Variants in NOG observed in about 807,000 individuals in gnomAD.
NOG encodes symphalangism 1 (proximal).
A neutral mutation model predicts 17.9 loss-of-function variants in NOG; 2 were observed. The ratio of observed to expected loss-of-function variants is 0.11; its 90% CI spans 0.05 to 0.35. NOG has a LOEUF of 0.35. Among genes scored for constraint, NOG ranks in the 10% least tolerant of loss-of-function variants. The pLI is 1.00. For missense variants in NOG, 266 were observed against 318.6 expected (o/e 0.83, Z 1.26); for synonymous variants, 166 against 148.7 (o/e 1.12, Z -0.85).
rs1033424445 is a variant in NOG at position 56,594,079 on chromosome 17, C to A, written c.-145C>A. The A allele has an allele frequency of 1.8e-6, 1 of 565,662 alleles. No individual in the cohort carries two copies. The highest frequency in any genetic ancestry group is 4.7e-4 in the Middle Eastern group (1 of 2,106). The allele number at this position is 565,662 out of a possible 1,614,324, so 35.0% of individuals were successfully genotyped here. On this transcript the variant is annotated 5_prime_UTR_variant, in exon 1 of 1. Transcript: ENST00000332822. The stretch of plus-strand genomic sequence containing the variant: ...GGCGCTGCGCGAAGGGCTCTCCCGG[C>A]GGCTCATGCTGCCGGCCCTGCGCCT...
At position 56,593,859 on chromosome 17, in the gene NOG, G is replaced by C. The variant is rs1235215563; in HGVS notation, c.-365G>C. ...GCGGCCGGACGAAGAGCAGCGAGAGGAGGAGGGGAGAGCGGCTCGTCCACG... is the reference window on the plus strand; with the variant it reads ...GCGGCCGGACGAAGAGCAGCGAGAGCAGGAGGGGAGAGCGGCTCGTCCACG... On this transcript the variant is annotated 5_prime_UTR_variant, in exon 1 of 1. Transcript: ENST00000332822. The C allele has an allele frequency of 3.9e-6, 1 of 257,804 alleles. No individual in the cohort carries two copies. Among genetic ancestry groups the C allele is most frequent in the Non-Finnish European group, 7.3e-6 (1 of 137,478 alleles). The allele number at this position is 257,804 out of a possible 1,614,324, so 16.0% of individuals were successfully genotyped here. A position where few individuals can be genotyped will look rare whatever the true frequency, so the allele number is the denominator to read the frequency against.
At position 56,594,703 on chromosome 17, in the gene NOG, G is replaced by T. The variant is rs1357240545; in HGVS notation, c.480G>T (p.Ala160=). ...AGACATTCTGCCCCGTGCTGTACGC[G>T]TGGAACGACCTGGGCAGCCGCTTTT... ...WSQTFCPVLY[A]WNDLGSRFWP... is the part of the protein sequence containing the mutation. The change falls in exon 1 of 1, where the codon GCG becomes GCT. Residue 160 remains alanine, a synonymous_variant. Transcript: ENST00000332822. 2 of 1,613,890 alleles carry T rather than the reference G, an allele frequency of 1.2e-6. No homozygotes were observed. Among genetic ancestry groups the T allele is most frequent in the Non-Finnish European group, 1.7e-6 (2 of 1,179,940 alleles).
In NOG at chr17:56,594,127, T is replaced by C; in HGVS notation, c.-97T>C. On this transcript the variant is annotated 5_prime_UTR_variant, in exon 1 of 1. Coordinates refer to ENST00000332822, the MANE Select transcript of NOG (RefSeq NM_005450.6). The stretch of plus-strand genomic sequence containing the variant: ...CCTGCCCAGCCTCGGGTGAGCCGCC[T>C]CCGGAGAGACGGGGGAGCGCGGCGG... 1 of 1,132,148 alleles carries C rather than the reference T, an allele frequency of 8.8e-7. No individual in the cohort carries two copies. Among genetic ancestry groups the C allele is most frequent in the Non-Finnish European group, 1.2e-6 (1 of 824,158 alleles). The allele number at this position is 1,132,148 out of a possible 1,614,324, so 70.1% of individuals were successfully genotyped here.
Position 56,594,153 on chromosome 17 carries a change from C to G in NOG, c.-71C>G, listed in dbSNP as rs1398960070. The G allele has an allele frequency of 7.4e-6, 10 of 1,350,314 alleles. No homozygotes were observed. The highest frequency in any genetic ancestry group is 1.5e-5 in the African/African-American group (1 of 65,956). 83.6% of individuals were successfully genotyped at this position (1,350,314 alleles called of 1,614,324 possible). On this transcript the variant is annotated 5_prime_UTR_variant, in exon 1 of 1. Transcript: ENST00000332822. ...CCGGAGAGACGGGGGAGCGCGGCGG[C>G]GCCGCGGGCTCGGCGTGCTCTCCTC...
At position 56,594,154 on chromosome 17, in the gene NOG, G is replaced by C. The variant is rs2052464727; in HGVS notation, c.-70G>C. On this transcript the variant is annotated 5_prime_UTR_variant, in exon 1 of 1. Transcript: ENST00000332822. ...CGGAGAGACGGGGGAGCGCGGCGGC[G>C]CCGCGGGCTCGGCGTGCTCTCCTCC... 7.3e-7 allele frequency: 1 copy of C among 1,368,076 alleles called. No homozygotes were observed. Among genetic ancestry groups the C allele is most frequent in the Non-Finnish European group, 9.8e-7 (1 of 1,023,384 alleles). The allele number at this position is 1,368,076 out of a possible 1,614,324, so 84.7% of individuals were successfully genotyped here. A position where few individuals can be genotyped will look rare whatever the true frequency, so the allele number is the denominator to read the frequency against.
In NOG at chr17:56,594,114, C is replaced by T. The variant is rs891085571; in HGVS notation, c.-110C>T. 8.4e-6 allele frequency: 8 copies of T among 947,604 alleles called. No individual in the cohort carries two copies. In the Admixed American group the frequency reaches 2.0e-4, roughly 24 times the overall value. 58.7% of individuals were successfully genotyped at this position (947,604 alleles called of 1,614,324 possible). A position where few individuals can be genotyped will look rare whatever the true frequency, so the allele number is the denominator to read the frequency against. Reference sequence around the variant, plus strand: ...TGCCGGCCCTGCGCCTGCCCAGCCTCGGGTGAGCCGCCTCCGGAGAGACGG... The same window carrying T: ...TGCCGGCCCTGCGCCTGCCCAGCCTTGGGTGAGCCGCCTCCGGAGAGACGG... On this transcript the variant is annotated 5_prime_UTR_variant, in exon 1 of 1. Coordinates refer to ENST00000332822, the MANE Select transcript of NOG (RefSeq NM_005450.6).
rs761426737 is a variant in NOG, at chr17:56,594,380, A to G, written c.157A>G (p.Ile53Val). The change falls in exon 1 of 1, where the codon ATC (isoleucine) becomes GTC (valine). Residue 53 changes from isoleucine (I) to valine (V), a missense_variant. Around this residue, in one of 2 missense-constraint regions of NOG, gnomAD observed 192 missense variants for 197.6 expected, o/e 0.97. Transcript: ENST00000332822. Reference sequence around the variant, plus strand: ...GGACCTCATCGAACACCCAGACCCTATCTTTGACCCCAAGGAAAAGGATCT... The same window carrying G: ...GGACCTCATCGAACACCCAGACCCTGTCTTTGACCCCAAGGAAAAGGATCT... ...LVDLIEHPDPIFDPKEKDLNE... is the reference protein window; with the variant it reads ...LVDLIEHPDPVFDPKEKDLNE... The G allele has an allele frequency of 6.8e-6, 11 of 1,613,114 alleles. No homozygotes were observed. In the African/African-American group the frequency reaches 1.1e-4, roughly 16 times the overall value.
chr17:56,594,970 C>T lies in NOG; in HGVS notation c.*48C>T. 1.4e-6 allele frequency: 2 copies of T among 1,383,958 alleles called. No homozygotes were observed. Among genetic ancestry groups the T allele is most frequent in the Non-Finnish European group, 2.0e-6 (2 of 994,430 alleles). The allele number at this position is 1,383,958 out of a possible 1,614,324, so 85.7% of individuals were successfully genotyped here. A position where few individuals can be genotyped will look rare whatever the true frequency, so the allele number is the denominator to read the frequency against. ...ACCCGGACACTTGATCGATCCCCACCGACGCCCCCTGCACCGCCTCCAACC... is the reference window on the plus strand; with the variant it reads ...ACCCGGACACTTGATCGATCCCCACTGACGCCCCCTGCACCGCCTCCAACC... On this transcript the variant is annotated 3_prime_UTR_variant, in exon 1 of 1. Transcript: ENST00000332822.
At position 56,594,242 on chromosome 17, in the gene NOG, C is replaced by G. The variant is rs1256399365; in HGVS notation, c.19C>G (p.Leu7Val). 5 of 1,596,704 alleles carry G rather than the reference C, an allele frequency of 3.1e-6. No individual in the cohort carries two copies. Among genetic ancestry groups the G allele is most frequent in the East Asian group, 2.3e-5 (1 of 44,122 alleles). Reference sequence around the variant, plus strand: ...CAGAGGCATGGAGCGCTGCCCCAGCCTAGGGGTCACCCTCTACGCCCTGGT... The same window carrying G: ...CAGAGGCATGGAGCGCTGCCCCAGCGTAGGGGTCACCCTCTACGCCCTGGT... MERCPS[L>V]GVTLYALVVV... The change falls in exon 1 of 1, where the codon CTA becomes GTA. Residue 7 changes from leucine (L) to valine (V), a missense_variant. Around this residue, in one of 2 missense-constraint regions of NOG, gnomAD observed 192 missense variants for 197.6 expected, o/e 0.97. Coordinates refer to ENST00000332822, the MANE Select transcript of NOG (RefSeq NM_005450.6).
At position 56,595,014 on chromosome 17, in the gene NOG, C is replaced by T; in HGVS notation, c.*92C>T. 1 of 662,566 alleles carries T rather than the reference C, an allele frequency of 1.5e-6. No individual in the cohort carries two copies. The highest frequency in any genetic ancestry group is 2.0e-5 in the South Asian group (1 of 50,382). The allele number at this position is 662,566 out of a possible 1,614,324, so 41.0% of individuals were successfully genotyped here. On this transcript the variant is annotated 3_prime_UTR_variant, in exon 1 of 1. Coordinates refer to ENST00000332822, the MANE Select transcript of NOG (RefSeq NM_005450.6). ...TCCAACCAGTTCCACCACCCTCTAG[C>T]GAGGGTTTTCAATGAACTTTTTTTT...
chr17:56,594,043 C>G lies in NOG; in HGVS notation c.-181C>G, dbSNP rs1333060877. Reference sequence around the variant, plus strand: ...CAACTTGTGTGCCTTTCTTCCGCCCCGGTGGGAGCCGGCGCTGCGCGAAGG... The same window carrying G: ...CAACTTGTGTGCCTTTCTTCCGCCCGGGTGGGAGCCGGCGCTGCGCGAAGG... On this transcript the variant is annotated 5_prime_UTR_variant, in exon 1 of 1. Coordinates refer to ENST00000332822, the MANE Select transcript of NOG (RefSeq NM_005450.6). The G allele has an allele frequency of 2.1e-6, 1 of 487,070 alleles. No individual in the cohort carries two copies. Among genetic ancestry groups the G allele is most frequent in the East Asian group, 3.6e-5 (1 of 27,930 alleles). 30.2% of individuals were successfully genotyped at this position (487,070 alleles called of 1,614,324 possible).
In NOG at chr17:56,595,242, AC is replaced by A. The variant is rs2052477313; in HGVS notation, c.*321del. The A allele has an allele frequency of 4.5e-6, 1 of 224,702 alleles. No individual in the cohort carries two copies. The highest frequency in any genetic ancestry group is 9.3e-6 in the Non-Finnish European group (1 of 107,060). 13.9% of individuals were successfully genotyped at this position (224,702 alleles called of 1,614,324 possible). A position where few individuals can be genotyped will look rare whatever the true frequency, so the allele number is the denominator to read the frequency against. On this transcript the variant is annotated 3_prime_UTR_variant, in exon 1 of 1. Transcript: ENST00000332822. The stretch of plus-strand genomic sequence containing the variant: ...AAGTAAGCAAAAGAAAAAAAAAAGA[AC>A]AGAGAAAAGAGAGACTTATTCTGGT...
chr17:56,595,348 C>T lies in NOG; in HGVS notation c.*426C>T. The stretch of plus-strand genomic sequence containing the variant: ...AGCAGGGGGGAAAAGTTATTTTTTT[C>T]TTGAAGTACAAAGAGACGGGGGAAC... On this transcript the variant is annotated 3_prime_UTR_variant, in exon 1 of 1. Transcript: ENST00000332822. 1 of 168,952 alleles carries T rather than the reference C, an allele frequency of 5.9e-6. No individual in the cohort carries two copies. The highest frequency in any genetic ancestry group is 2.1e-4 in the South Asian group (1 of 4,850). The allele number at this position is 168,952 out of a possible 1,614,324, so 10.5% of individuals were successfully genotyped here.
chr17:56,594,795 T>C lies in NOG; in HGVS notation c.572T>C (p.Val191Ala). The C allele has an allele frequency of 6.2e-7, 1 of 1,612,728 alleles. No homozygotes were observed. The highest frequency in any genetic ancestry group is 1.1e-5 in the South Asian group (1 of 90,972). The change falls in exon 1 of 1, where the codon GTG becomes GCG. Residue 191 changes from valine to alanine, a missense_variant. Transcript: ENST00000332822. ...TCGTGCTCCGTGCCCGAGGGCATGGTGTGCAAGCCGTCCAAGTCCGTGCAC... is the reference window on the plus strand; with the variant it reads ...TCGTGCTCCGTGCCCGAGGGCATGGCGTGCAAGCCGTCCAAGTCCGTGCAC... ...KRSCSVPEGM[V>A]CKPSKSVHLT...
In NOG at chr17:56,594,598, C is replaced by G. The variant is rs748751127; in HGVS notation, c.375C>G (p.Phe125Leu). The part of the protein sequence containing the change: ...AMPSEIKGLE[F>L]SEGLAQGKKQ... ...CGAGCGAGATCAAAGGGCTAGAGTT[C>G]TCCGAGGGCTTGGCCCAGGGCAAGA... is the stretch of plus-strand genomic sequence containing the variant. The change falls in exon 1 of 1, where the codon TTC becomes TTG. Residue 125 changes from phenylalanine (F) to leucine (L), a missense_variant. Physicochemically the swap from Phe to Leu is conservative, Grantham distance 22. Around this residue, in one of 2 missense-constraint regions of NOG, gnomAD observed 192 missense variants for 197.6 expected, o/e 0.97. Coordinates refer to ENST00000332822, the MANE Select transcript of NOG (RefSeq NM_005450.6). The G allele has an allele frequency of 6.2e-7, 1 of 1,610,992 alleles. No individual in the cohort carries two copies. Among genetic ancestry groups the G allele is most frequent in the Non-Finnish European group, 8.5e-7 (1 of 1,178,724 alleles).
rs2052463430 is a variant in NOG, at chr17:56,594,081, G to GCTCATGCTGCCGGCCCTGCGC, written c.-140_-120dup. On this transcript the variant is annotated 5_prime_UTR_variant, in exon 1 of 1. It adds an upstream start codon to the 5' untranslated region. Coordinates refer to ENST00000332822, the MANE Select transcript of NOG (RefSeq NM_005450.6). ...CGCTGCGCGAAGGGCTCTCCCGGCG[G>GCTCATGCTGCCGGCCCTGCGC]CTCATGCTGCCGGCCCTGCGCCTGC... is the stretch of plus-strand genomic sequence containing the variant. The GCTCATGCTGCCGGCCCTGCGC allele has an allele frequency of 1.7e-6, 1 of 582,560 alleles. No individual in the cohort carries two copies. Among genetic ancestry groups the GCTCATGCTGCCGGCCCTGCGC allele is most frequent in the Non-Finnish European group, 2.8e-6 (1 of 361,816 alleles). 36.1% of individuals were successfully genotyped at this position (582,560 alleles called of 1,614,324 possible). A position where few individuals can be genotyped will look rare whatever the true frequency, so the allele number is the denominator to read the frequency against.
rs2052478178 is a variant in NOG, at chr17:56,595,332, G to A, written c.*410G>A. 5.9e-6 allele frequency: 1 copy of A among 170,870 alleles called. No homozygotes were observed. The highest frequency in any genetic ancestry group is 1.4e-5 in the Non-Finnish European group (1 of 70,894). The allele number at this position is 170,870 out of a possible 1,614,324, so 10.6% of individuals were successfully genotyped here. A position where few individuals can be genotyped will look rare whatever the true frequency, so the allele number is the denominator to read the frequency against. ...GCCCTTCGCATGGCGAAGCAGGGGG[G>A]AAAAGTTATTTTTTTCTTGAAGTAC... On this transcript the variant is annotated 3_prime_UTR_variant, in exon 1 of 1. Transcript: ENST00000332822.
Position 56,595,216 on chromosome 17 carries a change from AAAGT to A in NOG, c.*298_*301del, listed in dbSNP as rs1251904734. ...CCGGCTTCTACTGTATTTTTAAAAAAAAGTAAGCAAAAGAAAAAAAAAAGAACAG... is the reference window on the plus strand; with the variant it reads ...CCGGCTTCTACTGTATTTTTAAAAAAAAGCAAAAGAAAAAAAAAAGAACAG... On this transcript the variant is annotated 3_prime_UTR_variant, in exon 1 of 1. Transcript: ENST00000332822. 1.1e-5 allele frequency: 3 copies of A among 268,158 alleles called. No individual in the cohort carries two copies. The highest frequency in any genetic ancestry group is 1.7e-4 in the South Asian group (1 of 5,958). The allele number at this position is 268,158 out of a possible 1,614,324, so 16.6% of individuals were successfully genotyped here.
Position 56,594,630 on chromosome 17 carries a change from G to A in NOG, c.407G>A (p.Arg136His). The change falls in exon 1 of 1, where the codon CGC becomes CAC. Residue 136 changes from arginine to histidine, a missense_variant. By Grantham distance (29) the Arg-to-His change is conservative. Transcript: ENST00000332822. ...SEGLAQGKKQ[R>H]LSKKLRRKLQ... ...GGCTTGGCCCAGGGCAAGAAGCAGC[G>A]CCTAAGCAAGAAGCTGCGGAGGAAG... 6.2e-7 allele frequency: 1 copy of A among 1,613,734 alleles called. No individual in the cohort carries two copies. The highest frequency in any genetic ancestry group is 8.5e-7 in the Non-Finnish European group (1 of 1,179,836).
Sources: allele counts gnomAD v4.1 joint callset, GRCh38; gene constraint gnomAD v4.1.1; regional missense constraint gnomAD v4.1.1; transcripts MANE v1.5; gene names NCBI Gene and HGNC (gene_info 2026-07-23, HGNC 2026-07-21).